The following EYS variants were observed in gnomAD, a reference collection of about 807,000 sequenced individuals.
EYS encodes protein eyes shut homolog.
Under a neutral mutation model 282.1 loss-of-function variants are expected in EYS, and 250 were observed. The ratio of observed to expected loss-of-function variants is 0.89; its 90% CI spans 0.80 to 0.98. The LOEUF (loss-of-function observed/expected upper bound fraction) is 0.98, where lower values mean the gene tolerates loss of function less well. Among genes scored for constraint, EYS ranks in the 50% least tolerant of loss-of-function variants. The pLI, the probability that EYS is intolerant of heterozygous loss-of-function variation, is 0.00. For synonymous variants in EYS, 1,355 were observed against 1,282.9 expected, an observed-to-expected ratio of 1.06 and a Z score of -1.20; for missense variants, 4,016 against 3,709.0, an observed-to-expected ratio of 1.08 and a Z score of -2.15.
chr6:65,090,000 C>T (rs1774508430), intron 12 of EYS, among the ~76,000 whole-genome samples: 1 of 149,252 alleles, frequency 6.7e-6, no homozygotes, highest in Admixed American at 6.7e-5. Flanking sequence ...CACACACACA[C>T]ACACACAAAC....
At chr6:65,373,483 G>A (rs1765238911) in intron 8 of EYS, among the ~76,000 whole-genome samples, 1 of 151,744 alleles carries the variant, frequency 6.6e-6, no homozygotes, top group Non-Finnish European at 1.5e-5. Context: ...CACTCTGGGA[G>A]GTAAAATCAA....
intron 22 of EYS, among the ~76,000 whole-genome samples, chr6:64,681,381 TTAATAG>T (rs1769887813): frequency 1.3e-5 from 2 of 152,102 alleles, no homozygotes; most frequent in Non-Finnish European, 2.9e-5. Flanking sequence ...TTTCACTGGC[TTAATAG>T]AGTGTGACAA....
chr6:64,752,207 A>C (rs1441692177), intron 22 of EYS, among the ~76,000 whole-genome samples: 3 of 152,118 alleles, frequency 2.0e-5, no homozygotes, highest in African/African-American at 7.2e-5. Flanking sequence ...TTTAAAAAAA[A>C]CTCAGTGAGA....
At chr6:64,391,270 G>A (rs1221110914) in intron 28 of EYS, among the ~76,000 whole-genome samples, 4,316 of 151,198 alleles carry the variant, frequency 0.029, 178 homozygotes, top group African/African-American at 0.1. Context: ...AGGAAATACA[G>A]AGAACGCCAC....
At chr6:64,186,765 C>A (rs1253238494) in intron 31 of EYS, among the ~76,000 whole-genome samples, 2 of 151,928 alleles carry the variant, frequency 1.3e-5, no homozygotes, top group Admixed American at 6.6e-5. Context: ...ACTGAAGTGG[C>A]AAAAAGGACT....
chr6:64,163,824 C>T (rs1775184851), intron 31 of EYS, among the ~76,000 whole-genome samples: 2 of 151,912 alleles, frequency 1.3e-5, no homozygotes, highest in African/African-American at 4.8e-5. Context: ...ACTTTCAAGA[C>T]AAAGCAAACA....
intron 26 of EYS, among the ~76,000 whole-genome samples, chr6:64,524,743 T>C (rs569271034): frequency 1.3e-5 from 2 of 151,998 alleles, no homozygotes; most frequent in African/African-American, 4.8e-5. Flanking sequence ...CCTCATTGCT[T>C]GCTTTTGTCA....
chr6:64,088,624 G>T (rs1046269545), intron 31 of EYS, among the ~76,000 whole-genome samples: 1 of 151,880 alleles, frequency 6.6e-6, no homozygotes, highest in Non-Finnish European at 1.5e-5. Flanking sequence ...TAAAAGTATG[G>T]ATTATCATTT....
chr6:64,097,653 C>A (rs180739762), intron 31 of EYS, among the ~76,000 whole-genome samples: 21 of 152,260 alleles, frequency 1.4e-4, no homozygotes, highest in Non-Finnish European at 2.1e-4. Flanking sequence ...CCATCTGTCA[C>A]CCCTTTCTTT....
At chr6:64,169,292 T>C (rs1400336910) in intron 31 of EYS, among the ~76,000 whole-genome samples, 1 of 151,890 alleles carries the variant, frequency 6.6e-6, no homozygotes, top group African/African-American at 2.4e-5. Flanking sequence ...CAGATACTGA[T>C]AAGAAAAAAA....
intron 18 of EYS, among the ~76,000 whole-genome samples, chr6:64,900,019 G>T (rs1441975773): frequency 6.6e-6 from 1 of 152,132 alleles, no homozygotes; most frequent in Non-Finnish European, 1.5e-5. Flanking sequence ...CATGGTGCTG[G>T]TACCGAAACA....
chr6:65,371,147 C>T (rs918592898), intron 8 of EYS, among the ~76,000 whole-genome samples: 7 of 151,634 alleles, frequency 4.6e-5, no homozygotes, highest in Non-Finnish European at 1.0e-4. Flanking sequence ...TGATGGTGGC[C>T]TCTGTATGAA....
chr6:64,389,292 A>C (rs1456672389), intron 28 of EYS, among the ~76,000 whole-genome samples: 1 of 152,224 alleles, frequency 6.6e-6, no homozygotes. Flanking sequence ...AATTATACCA[A>C]TAAGCAAAGC....
chr6:63,826,110 T>C (rs1771452906), intron 36 of EYS, among the ~76,000 whole-genome samples: 1 of 152,126 alleles, frequency 6.6e-6, no homozygotes, highest in Non-Finnish European at 1.5e-5. Context: ...CTCTGGAAAG[T>C]CTTAACAATA....
chr6:64,208,179 A>G (rs569734268), intron 31 of EYS, among the ~76,000 whole-genome samples: 60 of 152,294 alleles, frequency 3.9e-4, no homozygotes, highest in African/African-American at 1.4e-3. Flanking sequence ...CCACAAAATC[A>G]TCTCTGTGAG....
chr6:64,532,982 A>G (rs549538747), intron 26 of EYS, among the ~76,000 whole-genome samples: 63 of 152,290 alleles, frequency 4.1e-4, no homozygotes, highest in African/African-American at 1.5e-3. Flanking sequence ...AAAGGGGACA[A>G]TATGTGCAAA....
intron 5 of EYS, among the ~76,000 whole-genome samples, chr6:65,438,861 A>G (rs1359491684): frequency 6.6e-6 from 1 of 152,114 alleles, no homozygotes; most frequent in Non-Finnish European, 1.5e-5. Flanking sequence ...TAGTTTAATT[A>G]GATCCCATTT....
At chr6:64,154,841 C>T (rs1485180436) in intron 31 of EYS, among the ~76,000 whole-genome samples, 1 of 151,712 alleles carries the variant, frequency 6.6e-6, no homozygotes, top group Admixed American at 6.6e-5. Context: ...TTTTTCTTTC[C>T]AGTCTCTATT....
intron 22 of EYS, among the ~76,000 whole-genome samples, chr6:64,788,865 A>C (rs1774098470): frequency 6.6e-6 from 1 of 152,170 alleles, no homozygotes; most frequent in Non-Finnish European, 1.5e-5. Context: ...ATTTTTAATA[A>C]ATATTTTAAT....
Sources: gnomAD v4.1 joint callset for allele counts (sites outside exome capture counted in the v4.1 genomes callset) on GRCh38, gnomAD v4.1.1 for gene constraint, MANE v1.5 for transcripts, NCBI Gene and HGNC (gene_info 2026-07-23, HGNC 2026-07-21) for gene names.